Variants in FUBP1 observed in about 807,000 individuals in gnomAD.
The protein encoded by FUBP1 is far upstream element binding protein 1, also known as far upstream element-binding protein 1.
In FUBP1, 16 loss-of-function variants were observed where a neutral mutation model predicts 94.9. The ratio of observed to expected loss-of-function variants is 0.17; its 90% CI spans 0.11 to 0.26. FUBP1 has a LOEUF of 0.26. FUBP1 is among the 10% of genes least tolerant of loss of function. The pLI is 1.00. For missense variants in FUBP1, 583 were observed against 808.6 expected, an observed-to-expected ratio of 0.72 and a Z score of 3.38; for synonymous variants, 279 against 254.9, an observed-to-expected ratio of 1.09 and a Z score of -0.90.
At chr1:77,964,521 G>A (rs990050114) in intron 10 of FUBP1, 125 bp downstream of exon 10, 24 of 679,694 alleles carry the variant, frequency 3.5e-5, no homozygotes, top group Non-Finnish European at 5.6e-5. Context: ...ATAGAATTCT[G>A]TATTCTAAAG....
intron 17 of FUBP1, 116 bp downstream of exon 17, chr1:77,956,456 C>T (rs1654475145): frequency 3.4e-6 from 2 of 591,542 alleles, no homozygotes; most frequent in Non-Finnish European, 5.6e-6. Context: ...AAGGAAAAGT[C>T]TGCTTAAATT....
chr1:77,958,194 C>T (rs537575173), intron 16 of FUBP1, among the ~76,000 whole-genome samples: 1 of 152,190 alleles, frequency 6.6e-6, no homozygotes, highest in South Asian at 2.1e-4. Flanking sequence ...ATTTCTACTC[C>T]CAAATGTGAA....
In FUBP1 at chr1:77,945,787, A is replaced by C. The variant is rs1405155976; in HGVS notation, c.*2979T>G. 9.4e-6 allele frequency: 2 copies of C among 213,596 alleles called. No individual in the cohort carries two copies. Among genetic ancestry groups the C allele is most frequent in the Admixed American group, 5.8e-5 (1 of 17,112 alleles). 13.2% of individuals were successfully genotyped at this position (213,596 alleles called of 1,614,324 possible). The stretch of plus-strand genomic sequence containing the variant: ...CTTTCATACATTCAACTTAACTCAA[A>C]ATATGTACCAGTTAAAATCATCTAT... On this transcript the variant is annotated 3_prime_UTR_variant, in exon 20 of 20. Coordinates refer to ENST00000370768, the MANE Select transcript of FUBP1 (RefSeq NM_003902.5).
At chr1:77,967,743 TCAAA>T (rs950083380) in intron 3 of FUBP1, 77 bp from the exon 4 acceptor site, 1 of 857,634 alleles carries the variant, frequency 1.2e-6, no homozygotes, top group Admixed American at 2.2e-5. Flanking sequence ...CACAATCACA[TCAAA>T]CATTCAAAAA....
chr1:77,955,519 CAGAAA>C lies in FUBP1; in HGVS notation c.1706-195_1706-191del. On this transcript the variant is annotated intron_variant, in intron 17 of 19. Transcript: ENST00000370768. Reference sequence around the variant, plus strand: ...GTACTGGGGGTACAGAGGTGGTGGACAGAAAAGAAAACCAACCTGTTTGAAGACTG... The same window carrying C: ...GTACTGGGGGTACAGAGGTGGTGGACAGAAAACCAACCTGTTTGAAGACTG... 1.8e-5 allele frequency: 9 copies of C among 496,360 alleles called. No homozygotes were observed. In the South Asian group the frequency reaches 2.9e-4, roughly 16 times the overall value. 30.7% of individuals were successfully genotyped at this position (496,360 alleles called of 1,614,324 possible). A position where few individuals can be genotyped will look rare whatever the true frequency, so the allele number is the denominator to read the frequency against.
At chr1:77,970,053 A>G (rs1282502971) in intron 1 of FUBP1, 38 bp from the exon 2 acceptor site, 1 of 1,078,254 alleles carries the variant, frequency 9.3e-7, no homozygotes, top group Admixed American at 2.1e-5. Context: ...ATAAACTATT[A>G]TATACTATTC....
intron 14 of FUBP1, among the ~76,000 whole-genome samples, chr1:77,962,566 G>A (rs1479309214): frequency 6.6e-6 from 1 of 152,152 alleles, no homozygotes; most frequent in Non-Finnish European, 1.5e-5. Flanking sequence ...ATGTAAGGTT[G>A]TTCTCAAAAC....
At position 77,944,280 on chromosome 1, in the gene FUBP1, C is replaced by G. The variant is rs1046933334; in HGVS notation, c.*4486G>C. On this transcript the variant is annotated 3_prime_UTR_variant, in exon 20 of 20. Coordinates refer to ENST00000370768, the MANE Select transcript of FUBP1 (RefSeq NM_003902.5). ...ACACACGGGTAGTTTCTGTAGAGAA[C>G]ATTTTTCTCAGGACGAAAATGCATC... The G allele has an allele frequency of 2.0e-5, 4 of 199,396 alleles. No homozygotes were observed. Among genetic ancestry groups the G allele is most frequent in the Non-Finnish European group, 3.1e-5 (3 of 96,232 alleles). 12.4% of individuals were successfully genotyped at this position (199,396 alleles called of 1,614,324 possible).
In FUBP1 at chr1:77,948,328, G is replaced by A. The variant is rs1299424079; in HGVS notation, c.*438C>T. 9.5e-7 allele frequency: 1 copy of A among 1,047,728 alleles called. No homozygotes were observed. Among genetic ancestry groups the A allele is most frequent in the Non-Finnish European group, 1.2e-6 (1 of 863,790 alleles). The allele number at this position is 1,047,728 out of a possible 1,614,324, so 64.9% of individuals were successfully genotyped here. ...TCATGGGGAAAGCTTATATATTTGT[G>A]TATATGTATCTTAATTTATCATTGC... On this transcript the variant is annotated 3_prime_UTR_variant, in exon 20 of 20. Coordinates refer to ENST00000370768, the MANE Select transcript of FUBP1 (RefSeq NM_003902.5).
At chr1:77,970,789 A>G (rs149708386) in intron 1 of FUBP1, among the ~76,000 whole-genome samples, 2 of 152,206 alleles carry the variant, frequency 1.3e-5, no homozygotes, top group African/African-American at 4.8e-5. Context: ...TCATGCCTGT[A>G]ATCTTAGCAC....
chr1:77,952,589 G>A (rs920097928), intron 18 of FUBP1, among the ~76,000 whole-genome samples: 1 of 152,174 alleles, frequency 6.6e-6, no homozygotes, highest in African/African-American at 2.4e-5. Context: ...TTGAGATAAA[G>A]ATATCTCCCT....
At position 77,963,590 on chromosome 1, in the gene FUBP1, T is replaced by A; in HGVS notation, c.1167A>T (p.Gly389=). ...FNFIVPTGKT[G]LIIGKGGETI... ...ATACATTGCCTTTTCCTATTATTAA[T>A]CCAGTTTTCCCAGTTGGCACAATAA... The change falls in exon 13 of 20, where the codon GGA becomes GGT. Residue 389 remains glycine (G), a synonymous_variant. Transcript: ENST00000370768. 1 of 1,581,406 alleles carries A rather than the reference T, an allele frequency of 6.3e-7. No homozygotes were observed.
In FUBP1 at chr1:77,963,497, C is replaced by G. The variant is rs115157000; in HGVS notation, c.1183+77G>C. 6.8e-3 allele frequency: 5,287 copies of G among 772,048 alleles called. 29 individuals carry two copies. Among genetic ancestry groups the G allele is most frequent in the Non-Finnish European group, 9.8e-3 (4,646 of 474,784 alleles). 47.8% of individuals were successfully genotyped at this position (772,048 alleles called of 1,614,324 possible). On this transcript the variant is annotated intron_variant, in intron 13 of 19. Transcript: ENST00000370768. The stretch of plus-strand genomic sequence containing the variant: ...TACGGTCAGAGAAAAAGCATTGCCA[C>G]TTGTTTACGACAGCAACAGAAAGTG...
At position 77,964,559 on chromosome 1, in the gene FUBP1, T is replaced by C. The variant is rs1490752620; in HGVS notation, c.837+87A>G. On this transcript the variant is annotated intron_variant, in intron 10 of 19. Transcript: ENST00000370768. ...TAAAGGTGAAATAAAAGGATAACAA[T>C]GTTAGAGCTACTTAACACAAAACAG... 33 of 807,906 alleles carry C rather than the reference T, an allele frequency of 4.1e-5. 1 individual carries two copies. The South Asian group carries it at 4.4e-4, about 11-fold the overall frequency. The allele number at this position is 807,906 out of a possible 1,614,324, so 50.0% of individuals were successfully genotyped here.
At chr1:77,962,453 A>G (rs756550639) in intron 14 of FUBP1, among the ~76,000 whole-genome samples, 1 of 152,132 alleles carries the variant, frequency 6.6e-6, no homozygotes, top group South Asian at 2.1e-4. Flanking sequence ...TAAATAATGA[A>G]TTCCCGTTAA....
intron 1 of FUBP1, among the ~76,000 whole-genome samples, chr1:77,974,134 GTTTTTTTTT>G (rs34146250): frequency 8.2e-6 from 1 of 122,198 alleles, no homozygotes; most frequent in Non-Finnish European, 1.7e-5. Context: ...TAATTTTTTG[GTTTTTTTTT>G]TTTTTTTTTT....
rs779553569 is a variant in FUBP1, at chr1:77,979,037, A to G, written c.-33T>C. On this transcript the variant is annotated 5_prime_UTR_variant, in exon 1 of 20. Transcript: ENST00000370768. The stretch of plus-strand genomic sequence containing the variant: ...CTATAAGAGCCGCTGCCGCCTGTTC[A>G]GAGACTTCCTCTCAGCTAACAGCTA... 1.3e-5 allele frequency: 21 copies of G among 1,579,032 alleles called. No individual in the cohort carries two copies. Among genetic ancestry groups the G allele is most frequent in the Non-Finnish European group, 1.7e-5 (20 of 1,157,302 alleles).
chr1:77,955,424 A>C, intron 17 of FUBP1, 95 bp from the exon 18 acceptor site: 1 of 713,230 alleles, frequency 1.4e-6, no homozygotes. Context: ...AGGGGCCTGC[A>C]ATGTGACAGT....
intron 17 of FUBP1, 102 bp from the exon 18 acceptor site, chr1:77,955,431 C>A: frequency 1.4e-6 from 1 of 696,052 alleles, no homozygotes; most frequent in South Asian, 1.6e-5. Context: ...TGCAATGTGA[C>A]AGTGAGGGTA....
Sources: allele counts gnomAD v4.1 joint callset (sites outside exome capture counted in the v4.1 genomes callset), GRCh38; gene constraint gnomAD v4.1.1; transcripts MANE v1.5; gene names NCBI Gene and HGNC (gene_info 2026-07-23, HGNC 2026-07-21).